ABCB7: variants seen among roughly 807,000 people sequenced by gnomAD.
ABCB7 encodes ATP binding cassette subfamily B member 7, also known as iron-sulfur clusters transporter ABCB7, mitochondrial.
A neutral mutation model predicts 54.4 loss-of-function variants in ABCB7; 7 were observed. That is an observed-to-expected ratio of 0.13 (90% confidence interval 0.07 to 0.24). ABCB7 has a LOEUF of 0.24. ABCB7 is among the 10% of genes least tolerant of loss of function. ABCB7 has a pLI of 1.00. For synonymous variants in ABCB7, 218 were observed against 207.1 expected (o/e 1.05, Z -0.45); for missense variants, 356 against 570.4 (o/e 0.62, Z 3.83).
At chrX:75,129,403 A>G (rs964541589) in intron 1 of ABCB7, among the ~76,000 whole-genome samples, 3 of 110,101 alleles carry the variant, frequency 2.7e-5, no homozygotes, top group Non-Finnish European at 5.7e-5. Context: ...CAATGAGAAC[A>G]TACGGGCACG....
intron 2 of ABCB7, among the ~76,000 whole-genome samples, chrX:75,114,299 G>A (rs1328820966): frequency 1.8e-5 from 2 of 111,798 alleles, no homozygotes; most frequent in African/African-American, 3.2e-5. Flanking sequence ...TTTTAAAGAT[G>A]TCTTTCACTT....
chrX:75,055,579 A>C (rs1349326934), intron 15 of ABCB7, among the ~76,000 whole-genome samples: 4 of 95,603 alleles, frequency 4.2e-5, no homozygotes, highest in Non-Finnish European at 6.0e-5. Flanking sequence ...AAAAAAAAAA[A>C]CAACCAAAAA....
chrX:75,082,568 G>C (rs983258418), intron 4 of ABCB7, among the ~76,000 whole-genome samples: 4 of 111,853 alleles, frequency 3.6e-5, no homozygotes, highest in African/African-American at 9.7e-5. Context: ...TTAAAAATAT[G>C]TTTGATGGTT....
intron 1 of ABCB7, among the ~76,000 whole-genome samples, chrX:75,128,053 C>G (rs1420745055): frequency 1.8e-5 from 2 of 111,615 alleles, no homozygotes; most frequent in Non-Finnish European, 3.8e-5. Flanking sequence ...AATGCTATTC[C>G]CATCAAGTTA....
At chrX:75,131,176 T>C (rs967815400) in intron 1 of ABCB7, among the ~76,000 whole-genome samples, 4 of 108,969 alleles carry the variant, frequency 3.7e-5, no homozygotes, top group Non-Finnish European at 7.6e-5. Flanking sequence ...TAACATGAAG[T>C]AAAAAGAAAT....
At chrX:75,103,580 T>C (rs2081657293) in intron 3 of ABCB7, among the ~76,000 whole-genome samples, 1 of 111,432 alleles carries the variant, frequency 9.0e-6, no homozygotes, top group Non-Finnish European at 1.9e-5. Context: ...TTGCTCAGGA[T>C]TGCTCTGGGT....
At chrX:75,128,390 A>G (rs1569243122) in intron 1 of ABCB7, among the ~76,000 whole-genome samples, 1 of 111,817 alleles carries the variant, frequency 8.9e-6, no homozygotes, top group Non-Finnish European at 1.9e-5. Flanking sequence ...AAAACTGGCT[A>G]GCCATAAGCA....
chrX:75,051,623 T>C lies in ABCB7; in HGVS notation c.*1747A>G, dbSNP rs944539674. ...ACTTTTTTTCCTCCCAAGGTAAAAC[T>C]TGATTATGTTGTTTGGGCTCCTCCT... On this transcript the variant is annotated 3_prime_UTR_variant, in exon 16 of 16. Coordinates refer to ENST00000373394, the MANE Select transcript of ABCB7 (RefSeq NM_001271696.3). The C allele has an allele frequency of 2.7e-5, 3 of 112,239 alleles. No homozygotes were observed. The allele number at this position is 112,239 out of a possible 1,213,427, so 9.2% of individuals were successfully genotyped here.
chrX:75,137,255 A>G (rs989928685), intron 1 of ABCB7, among the ~76,000 whole-genome samples: 17 of 112,470 alleles, frequency 1.5e-4, no homozygotes, highest in African/African-American at 5.2e-4. Flanking sequence ...AAACAAACAC[A>G]TGGCTAACAA....
rs769041485 is a variant in ABCB7 at position 75,058,190 on chromosome X, G to T, written c.2043+2033C>A. ...CTTTAATTCCTGAGCCTTTTCAGGG[G>T]TCTACAACATGAATCAACTTGCTTT... is the stretch of plus-strand genomic sequence containing the variant. On this transcript the variant is annotated intron_variant, in intron 15 of 15. Transcript: ENST00000373394. Among the ~76,000 whole-genome samples the T allele has an allele frequency of 2.0e-4, 22 of 110,954 alleles. 1 individual carries two copies. In the South Asian group the frequency reaches 8.1e-3, roughly 41 times the overall value.
intron 1 of ABCB7, among the ~76,000 whole-genome samples, chrX:75,129,377 T>C (rs140404244): frequency 0.029 from 3,171 of 110,188 alleles, 117 homozygotes; most frequent in African/African-American, 0.1. Flanking sequence ...GTTCTCACCC[T>C]TAAGTGGGAG....
At chrX:75,144,910 C>T (rs1045962536) in intron 1 of ABCB7, among the ~76,000 whole-genome samples, 1 of 110,575 alleles carries the variant, frequency 9.0e-6, no homozygotes, top group Non-Finnish European at 1.9e-5. Context: ...TCCAGGAATG[C>T]TTTATAAATG....
chrX:75,150,328 G>A (rs781474524), intron 1 of ABCB7, among the ~76,000 whole-genome samples: 1 of 111,674 alleles, frequency 9.0e-6, no homozygotes, highest in South Asian at 3.8e-4. Flanking sequence ...GGAGTCAAGA[G>A]AGCACAGATG....
intron 1 of ABCB7, among the ~76,000 whole-genome samples, chrX:75,130,384 C>T (rs2081966038): frequency 8.9e-6 from 1 of 111,910 alleles, no homozygotes. Context: ...CTAACAACAA[C>T]CAGGGGAGTG....
intron 1 of ABCB7, among the ~76,000 whole-genome samples, chrX:75,152,991 C>T (rs1186579308): frequency 9.0e-6 from 1 of 111,540 alleles, no homozygotes; most frequent in Admixed American, 9.5e-5. Flanking sequence ...ACTGAATCAC[C>T]TCTCACCCTT....
chrX:75,086,604 A>G (rs1207088453), intron 4 of ABCB7, among the ~76,000 whole-genome samples: 1 of 112,203 alleles, frequency 8.9e-6, no homozygotes, highest in African/African-American at 3.2e-5. Context: ...CAAGTAAAAA[A>G]GAATTTTGTT....
chrX:75,068,347 T>C (rs946740984), intron 12 of ABCB7, among the ~76,000 whole-genome samples: 10 of 111,964 alleles, frequency 8.9e-5, no homozygotes, highest in African/African-American at 3.2e-4. Context: ...CTATAAGCTT[T>C]CATCATAAAA....
chrX:75,052,071 A>ATCATCTAGT lies in ABCB7; in HGVS notation c.*1298_*1299insACTAGATGA, dbSNP rs1353030643. On this transcript the variant is annotated 3_prime_UTR_variant, in exon 16 of 16. Transcript: ENST00000373394. ...ATGGAAAAATAAAATTCTAATCACT[A>ATCATCTAGT]GATGATAGTTATGGTGCTGCTTAAT... is the stretch of plus-strand genomic sequence containing the variant. 1.1e-4 allele frequency: 12 copies of ATCATCTAGT among 112,273 alleles called. No homozygotes were observed. Among genetic ancestry groups the ATCATCTAGT allele is most frequent in the Non-Finnish European group, 1.9e-4 (10 of 53,274 alleles). The allele number at this position is 112,273 out of a possible 1,213,427, so 9.3% of individuals were successfully genotyped here.
chrX:75,076,405 C>A, intron 5 of ABCB7, 117 bp downstream of exon 5: 1 of 959,142 alleles, frequency 1.0e-6, no homozygotes, highest in Non-Finnish European at 1.5e-6. Context: ...TCACATAAAA[C>A]AACAAACATC....
Sources: gnomAD v4.1 joint callset for allele counts (sites outside exome capture counted in the v4.1 genomes callset) on GRCh38, gnomAD v4.1.1 for gene constraint, MANE v1.5 for transcripts, NCBI Gene and HGNC (gene_info 2026-07-23, HGNC 2026-07-21) for gene names.